The following GRID2 variants were observed in gnomAD, a reference collection of about 807,000 sequenced individuals.
GRID2 encodes the protein glutamate receptor ionotropic, delta-2.
GRID2 carries 33 observed loss-of-function variants against 114.8 expected under a neutral mutation model. The observed-to-expected ratio is 0.29, with a 90% CI of 0.22 to 0.38. GRID2 has a LOEUF of 0.38. Ranked by LOEUF, GRID2 falls within the 10% of genes least tolerant of loss-of-function variation. GRID2 has a pLI of 1.00. For synonymous variants in GRID2, 505 were observed against 449.9 expected (o/e 1.12, Z -1.55); for missense variants, 1,184 against 1,257.7 (o/e 0.94, Z 0.89).
chr4:93,802,942 C>A (rs1057136413), intron 1 of GRID2, among the ~76,000 whole-genome samples: 2 of 152,152 alleles, frequency 1.3e-5, no homozygotes, highest in South Asian at 4.1e-4. Context: ...TGCAAAAGAT[C>A]GTAAGCGCAT....
chr4:93,170,245 G>A (rs1459214666), intron 4 of GRID2, among the ~76,000 whole-genome samples: 1 of 152,082 alleles, frequency 6.6e-6, no homozygotes, highest in East Asian at 1.9e-4. Flanking sequence ...CAATGCACCC[G>A]GCTAATTTTT....
intron 1 of GRID2, among the ~76,000 whole-genome samples, chr4:92,425,332 TCTG>T (rs1484995846): frequency 1.3e-5 from 2 of 152,026 alleles, no homozygotes; most frequent in African/African-American, 4.8e-5. Flanking sequence ...AGGGATAACT[TCTG>T]CTTAATTAAC....
At chr4:92,825,429 G>T (rs1292708455) in intron 2 of GRID2, among the ~76,000 whole-genome samples, 2 of 152,134 alleles carry the variant, frequency 1.3e-5, no homozygotes, top group African/African-American at 4.8e-5. Context: ...TTACAAACAT[G>T]CTGAGACATT....
At chr4:93,662,921 C>T (rs1723621242) in intron 14 of GRID2, among the ~76,000 whole-genome samples, 2 of 152,128 alleles carry the variant, frequency 1.3e-5, no homozygotes, top group Admixed American at 1.3e-4. Flanking sequence ...GAAGACATAG[C>T]TTGTTTAAAT....
intron 8 of GRID2, among the ~76,000 whole-genome samples, chr4:93,305,696 A>T (rs762339680): frequency 5.3e-5 from 8 of 152,216 alleles, no homozygotes; most frequent in African/African-American, 9.6e-5. Context: ...CTGAGGACCA[A>T]GTAAAGGCTG....
At chr4:92,930,496 A>G (rs1750142032) in intron 2 of GRID2, among the ~76,000 whole-genome samples, 1 of 151,138 alleles carries the variant, frequency 6.6e-6, no homozygotes, top group Admixed American at 6.6e-5. Context: ...TTTCAAATTT[A>G]ATAAGCAAAC....
intron 14 of GRID2, among the ~76,000 whole-genome samples, chr4:93,680,898 C>T (rs1332065211): frequency 1.3e-5 from 2 of 151,566 alleles, no homozygotes; most frequent in Admixed American, 6.6e-5. Context: ...CTCGCCACTC[C>T]TATTCAACAT....
intron 3 of GRID2, among the ~76,000 whole-genome samples, chr4:93,097,688 TTTGA>T (rs1006300970): frequency 3.9e-5 from 6 of 151,918 alleles, no homozygotes; most frequent in African/African-American, 1.2e-4. Context: ...CTTCCACATC[TTTGA>T]TTGACAGTTC....
At chr4:93,674,471 C>G (rs1346336890) in intron 14 of GRID2, among the ~76,000 whole-genome samples, 4 of 151,968 alleles carry the variant, frequency 2.6e-5, no homozygotes, top group African/African-American at 9.7e-5. Flanking sequence ...GACTTCAAAC[C>G]CTCCTTCTGT....
chr4:92,963,393 T>C (rs1263982558), intron 2 of GRID2, among the ~76,000 whole-genome samples: 1 of 152,022 alleles, frequency 6.6e-6, no homozygotes, highest in Non-Finnish European at 1.5e-5. Context: ...TTATGTAATA[T>C]TCGAAATCCT....
intron 10 of GRID2, among the ~76,000 whole-genome samples, chr4:93,429,808 A>C (rs144433653): frequency 4.6e-5 from 7 of 152,362 alleles, no homozygotes; most frequent in Middle Eastern, 3.4e-3. Context: ...TGAGAGTCCT[A>C]TCTCTCAATT....
At chr4:92,537,845 A>C (rs1725730392) in intron 1 of GRID2, among the ~76,000 whole-genome samples, 1 of 149,798 alleles carries the variant, frequency 6.7e-6, no homozygotes, top group Non-Finnish European at 1.5e-5. Context: ...TTTGAGCAAG[A>C]CCACCCAGAG....
intron 2 of GRID2, among the ~76,000 whole-genome samples, chr4:93,027,192 T>A (rs531034700): frequency 6.6e-6 from 1 of 152,166 alleles, no homozygotes; most frequent in East Asian, 1.9e-4. Flanking sequence ...TGGCTGCTAT[T>A]TATATAGGAT....
At chr4:92,713,470 CATATACATATAT>C (rs1381051519) in intron 2 of GRID2, among the ~76,000 whole-genome samples, 2,247 of 74,490 alleles carry the variant, frequency 0.03, 15 homozygotes, top group Admixed American at 0.049. Context: ...TTTACATATA[CATATACATATAT>C]ATATATATAT....
rs1247561672 is a variant in GRID2, at chr4:93,730,995, A to T, written c.2361-38215A>T. Among the ~76,000 whole-genome samples, 3 of 152,228 alleles carry T rather than the reference A, an allele frequency of 2.0e-5. No homozygotes were observed. In the South Asian group the frequency reaches 6.2e-4, roughly 31 times the overall value. ...GCGTGGGGAGGGCAGTTTCCCCGTGACACCTGCTGGGCAAAGCTTTCGTCA... is the reference window on the plus strand; with the variant it reads ...GCGTGGGGAGGGCAGTTTCCCCGTGTCACCTGCTGGGCAAAGCTTTCGTCA... On this transcript the variant is annotated intron_variant, in intron 14 of 15. Coordinates refer to ENST00000282020, the MANE Select transcript of GRID2 (RefSeq NM_001510.4).
intron 13 of GRID2, among the ~76,000 whole-genome samples, chr4:93,598,850 G>C (rs1739382465): frequency 6.6e-6 from 1 of 152,144 alleles, no homozygotes; most frequent in Non-Finnish European, 1.5e-5. Context: ...AGAAGAGATT[G>C]AAGCAAGAAT....
chr4:93,746,030 C>G (rs1206228910), intron 14 of GRID2, among the ~76,000 whole-genome samples: 2 of 152,030 alleles, frequency 1.3e-5, no homozygotes, highest in Non-Finnish European at 2.9e-5. Context: ...GATAGTGTAA[C>G]CATGAGCAAC....
chr4:92,777,499 C>T (rs1432262945), intron 2 of GRID2, among the ~76,000 whole-genome samples: 4 of 152,044 alleles, frequency 2.6e-5, no homozygotes, highest in Non-Finnish European at 5.9e-5. Context: ...GATACTACTA[C>T]TTTTCTTTTT....
chr4:92,351,208 G>T (rs190736508), intron 1 of GRID2, among the ~76,000 whole-genome samples: 615 of 151,718 alleles, frequency 4.1e-3, no homozygotes, highest in Non-Finnish European at 6.5e-3. Context: ...AGAATTTCTG[G>T]TTCATATGGT....
Sources: allele counts gnomAD v4.1 joint callset (sites outside exome capture counted in the v4.1 genomes callset), GRCh38; gene constraint gnomAD v4.1.1; transcripts MANE v1.5; gene names NCBI Gene and HGNC (gene_info 2026-07-23, HGNC 2026-07-21).